DYNLRB2: variants seen among roughly 807,000 people sequenced by gnomAD.
DYNLRB2 encodes the protein dynein light chain roadblock-type 2, also known as bithoraxoid-like protein.
DYNLRB2 carries 14 observed loss-of-function variants against 12.6 expected under a neutral mutation model. That is an observed-to-expected ratio of 1.11 (90% CI 0.73 to 1.73). DYNLRB2 has a LOEUF of 1.73. Among genes scored for constraint, DYNLRB2 ranks in the 40% most tolerant of loss-of-function variants. The pLI, the probability that DYNLRB2 is intolerant of heterozygous loss-of-function variation, is 0.00. For missense variants in DYNLRB2, 142 were observed against 117.7 expected, an observed-to-expected ratio of 1.21 and a Z score of -0.95; for synonymous variants, 53 against 37.0, an observed-to-expected ratio of 1.43 and a Z score of -1.57.
chr16:80,543,907 C>T (rs1229010895), intron 2 of DYNLRB2, among the ~76,000 whole-genome samples: 1 of 152,212 alleles, frequency 6.6e-6, no homozygotes, highest in African/African-American at 2.4e-5. Context: ...TCTTGCTGCA[C>T]GATCCTTGTT....
intron 1 of DYNLRB2, chr16:80,541,449 C>G (rs1904287532): frequency 1.0e-6 from 1 of 952,396 alleles, no homozygotes; most frequent in South Asian, 4.9e-5. Flanking sequence ...AAAAATCAGA[C>G]CCTTAGAGAG....
chr16:80,545,901 C>G (rs186644514), intron 2 of DYNLRB2, among the ~76,000 whole-genome samples: 15 of 151,454 alleles, frequency 9.9e-5, no homozygotes, highest in African/African-American at 2.9e-4. Context: ...GATCTCCTGA[C>G]CTTGTGATCC....
At chr16:80,547,553 C>T (rs1223784761) in intron 2 of DYNLRB2, among the ~76,000 whole-genome samples, 1 of 152,136 alleles carries the variant, frequency 6.6e-6, no homozygotes, top group Non-Finnish European at 1.5e-5. Flanking sequence ...GGATCATGAA[C>T]AGACTAAATA....
At chr16:80,540,828 A>T (rs1424509083), upstream of DYNLRB2, 3 of 720,924 alleles carry the variant, frequency 4.2e-6, no homozygotes, top group South Asian at 4.4e-5. Context: ...CCCGGGACCC[A>T]CTGCTCCAGG....
rs767151835 is a variant in DYNLRB2, at chr16:80,543,238, G to A, written c.4-38G>A. The A allele has an allele frequency of 1.9e-6, 3 of 1,602,530 alleles. No homozygotes were observed. The East Asian group carries it at 6.7e-5, about 36-fold the overall frequency. ...TCTCCTTAGGGTTGAAGTTACCACA[G>A]GGCCCTTTTGGTTAATTATCTTCCT... On this transcript the variant is annotated intron_variant, in intron 1 of 3. Transcript: ENST00000305904.
intron 2 of DYNLRB2, among the ~76,000 whole-genome samples, chr16:80,548,387 C>G (rs1238919652): frequency 6.6e-6 from 1 of 152,070 alleles, no homozygotes; most frequent in Admixed American, 6.6e-5. Flanking sequence ...ATTCTTCTGG[C>G]TAGAATTTTC....
At chr16:80,540,818 C>T (rs1419294853), upstream of DYNLRB2, 4 of 712,940 alleles carry the variant, frequency 5.6e-6, no homozygotes, top group Non-Finnish European at 1.0e-5. Context: ...CCTCTTCCCT[C>T]CCGGGACCCA....
At chr16:80,541,349 C>G (rs7202484) in intron 1 of DYNLRB2, 977,446 of 984,404 alleles carry the variant, frequency 0.99, 485,604 homozygotes, top group East Asian at 1. Context: ...GAGAGAGATT[C>G]AGAGGATGAA....
At chr16:80,540,911 A>T (rs1909282222), upstream of DYNLRB2, 6 of 1,279,004 alleles carry the variant, frequency 4.7e-6, no homozygotes, top group Middle Eastern at 1.8e-4. Context: ...GGGAGGCATC[A>T]GGAGCGCGGT....
At chr16:80,541,270 C>G (rs7202313) in intron 1 of DYNLRB2, 191 bp downstream of exon 1, 949,884 of 954,900 alleles carry the variant, frequency 0.99, 472,608 homozygotes, top group East Asian at 1. Flanking sequence ...GTCTAGATGA[C>G]TGGAAGCTGT....
chr16:80,544,944 C>T (rs1177353285), intron 2 of DYNLRB2: 5 of 152,134 alleles, frequency 3.3e-5, no homozygotes, highest in East Asian at 1.9e-4. Context: ...TACCCGAATC[C>T]AATGTGACCT....
chr16:80,540,841 T>G, upstream of DYNLRB2: 1 of 738,830 alleles, frequency 1.4e-6, no homozygotes, highest in Non-Finnish European at 2.4e-6. Context: ...GCTCCAGGAT[T>G]GGGCGAACCT....
In DYNLRB2 at chr16:80,550,589, A is replaced by C. The variant is rs761140491; in HGVS notation, c.*31A>C. The C allele has an allele frequency of 6.2e-6, 10 of 1,613,504 alleles. No homozygotes were observed. The highest frequency in any genetic ancestry group is 8.5e-6 in the Non-Finnish European group (10 of 1,179,528). On this transcript the variant is annotated 3_prime_UTR_variant, in exon 4 of 4. Transcript: ENST00000305904. ...CGATGGCCAAGGCTGTTTAAGCGAC[A>C]CTGGGTTGGAAACACTTGGCTCTCT... is the stretch of plus-strand genomic sequence containing the variant.
At chr16:80,545,796 C>A (rs931802084) in intron 2 of DYNLRB2, among the ~76,000 whole-genome samples, 1 of 150,658 alleles carries the variant, frequency 6.6e-6, no homozygotes, top group Non-Finnish European at 1.5e-5. Context: ...CTGCCTCAGC[C>A]TCCCAAGTAG....
At chr16:80,545,663 C>CTTATTTTTTTTTT (rs1597091152) in intron 2 of DYNLRB2, among the ~76,000 whole-genome samples, 1 of 30,144 alleles carries the variant, frequency 3.3e-5, no homozygotes, top group East Asian at 9.0e-4. Flanking sequence ...TACCCATTAG[C>CTTATTTTTTTTTT]TTCTTTTTTT....
chr16:80,541,937 G>A (rs1904292110), intron 1 of DYNLRB2, among the ~76,000 whole-genome samples: 1 of 152,156 alleles, frequency 6.6e-6, no homozygotes, highest in Non-Finnish European at 1.5e-5. Context: ...TACATAAGAT[G>A]GCCGAGAAAT....
At chr16:80,544,832 G>C (rs568034854) in intron 2 of DYNLRB2, 11 of 152,286 alleles carry the variant, frequency 7.2e-5, no homozygotes, top group African/African-American at 2.6e-4. Flanking sequence ...TTGGCCTATA[G>C]ACACATCACT....
intron 1 of DYNLRB2, among the ~76,000 whole-genome samples, chr16:80,541,581 C>A (rs1904288767): frequency 8.8e-6 from 1 of 113,016 alleles, no homozygotes; most frequent in Non-Finnish European, 1.8e-5. Context: ...CCCCTCCCCC[C>A]CAGAAAAAGA....
At chr16:80,544,728 A>T (rs1239390490) in intron 2 of DYNLRB2, 2 of 152,210 alleles carry the variant, frequency 1.3e-5, no homozygotes, top group Non-Finnish European at 2.9e-5. Context: ...TGAAATCAAG[A>T]TGTCCGAAGG....
Sources: allele counts gnomAD v4.1 joint callset (sites outside exome capture counted in the v4.1 genomes callset), GRCh38; gene constraint gnomAD v4.1.1; transcripts MANE v1.5; gene names NCBI Gene and HGNC (gene_info 2026-07-23, HGNC 2026-07-21).